WDR70: variants seen among roughly 807,000 people sequenced by gnomAD.
WDR70 encodes the protein WD repeat domain 70, also known as WD repeat-containing protein 70.
Under a neutral mutation model 88.6 loss-of-function variants are expected in WDR70, and 53 were observed. The ratio of observed to expected loss-of-function variants is 0.60; its 90% confidence interval spans 0.48 to 0.75. The LOEUF (loss-of-function observed/expected upper bound fraction) is 0.75, where lower values mean the gene tolerates loss of function less well. Among genes scored for constraint, WDR70 ranks in the 30% least tolerant of loss-of-function variants. WDR70 has a pLI of 0.00. For missense variants in WDR70, 610 were observed against 823.2 expected (o/e 0.74, Z 3.17); for synonymous variants, 280 against 270.0 (o/e 1.04, Z -0.36).
At chr5:37,473,961 T>C (rs1739404517) in intron 7 of WDR70, among the ~76,000 whole-genome samples, 1 of 152,176 alleles carries the variant, frequency 6.6e-6, no homozygotes. Context: ...TGCATTTAAC[T>C]CCATAAATTT....
intron 10 of WDR70, among the ~76,000 whole-genome samples, chr5:37,659,412 A>T (rs1333862786): frequency 2.0e-5 from 3 of 151,174 alleles, no homozygotes; most frequent in Non-Finnish European, 4.4e-5. Flanking sequence ...CTGTTTTTCT[A>T]TTTTTTTTAT....
chr5:37,651,056 G>T (rs1745396394), intron 10 of WDR70, among the ~76,000 whole-genome samples: 1 of 151,206 alleles, frequency 6.6e-6, no homozygotes, highest in Non-Finnish European at 1.5e-5. Flanking sequence ...ATGGTTTGCT[G>T]CACTCATCAA....
chr5:37,528,193 G>A (rs551904943), intron 9 of WDR70, among the ~76,000 whole-genome samples: 87 of 152,136 alleles, frequency 5.7e-4, no homozygotes, highest in South Asian at 4.8e-3. Context: ...TGTTTATTGC[G>A]GCACTATTCA....
intron 8 of WDR70, among the ~76,000 whole-genome samples, chr5:37,515,376 A>G (rs1740855299): frequency 6.6e-6 from 1 of 152,360 alleles, no homozygotes; most frequent in South Asian, 2.1e-4. Context: ...CGAGATGCCT[A>G]TGATATGCAG....
chr5:37,620,032 G>A (rs932286605), intron 10 of WDR70: 2 of 151,248 alleles, frequency 1.3e-5, no homozygotes, highest in Non-Finnish European at 2.9e-5. Flanking sequence ...TTGCACAGGG[G>A]CCATGGTAAT....
chr5:37,621,726 G>A (rs1744510274), intron 10 of WDR70, among the ~76,000 whole-genome samples: 1 of 152,102 alleles, frequency 6.6e-6, no homozygotes, highest in African/African-American at 2.4e-5. Flanking sequence ...AAGCTCTTTA[G>A]TTTAATTTAG....
chr5:37,572,746 A>G (rs759824790), intron 9 of WDR70, among the ~76,000 whole-genome samples: 20 of 152,340 alleles, frequency 1.3e-4, no homozygotes, highest in Non-Finnish European at 2.4e-4. Flanking sequence ...AATCACCATC[A>G]GTTCTCAACA....
intron 7 of WDR70, among the ~76,000 whole-genome samples, chr5:37,468,738 A>T (rs1739236435): frequency 6.6e-6 from 1 of 152,160 alleles, no homozygotes; most frequent in Non-Finnish European, 1.5e-5. Context: ...AGGATTGGAA[A>T]TATTGGAAAA....
chr5:37,413,720 C>A (rs373967990), intron 5 of WDR70, among the ~76,000 whole-genome samples: 2,864 of 106,612 alleles, frequency 0.027, no homozygotes, highest in Middle Eastern at 0.053. Flanking sequence ...GACTCTGTCT[C>A]AAAAAAAAAA....
intron 10 of WDR70, among the ~76,000 whole-genome samples, chr5:37,689,778 A>C (rs1746727420): frequency 6.6e-6 from 1 of 152,260 alleles, no homozygotes; most frequent in South Asian, 2.1e-4. Flanking sequence ...AAAGCTGAAA[A>C]TTCTAAAAAC....
At chr5:37,431,981 A>G in intron 5 of WDR70, among the ~76,000 whole-genome samples, 1 of 152,120 alleles carries the variant, frequency 6.6e-6, no homozygotes, top group East Asian at 1.9e-4. Context: ...GTTGCTTTTC[A>G]CCTCTTGGTT....
chr5:37,485,255 C>G (rs1739823073), intron 8 of WDR70, among the ~76,000 whole-genome samples: 2 of 152,190 alleles, frequency 1.3e-5, no homozygotes, highest in South Asian at 2.1e-4. Flanking sequence ...TACAGTCGAT[C>G]CTCCTTGTTT....
intron 3 of WDR70, among the ~76,000 whole-genome samples, chr5:37,386,835 C>T (rs369732004): frequency 5.9e-5 from 9 of 152,148 alleles, no homozygotes; most frequent in African/African-American, 1.7e-4. Context: ...CGGTGGCTCA[C>T]GCCTGTAATC....
intron 8 of WDR70, among the ~76,000 whole-genome samples, chr5:37,495,944 T>A (rs1368465422): frequency 6.6e-6 from 1 of 152,228 alleles, no homozygotes; most frequent in Non-Finnish European, 1.5e-5. Flanking sequence ...TTTTTCTGTT[T>A]AACCTACTAT....
chr5:37,640,393 T>C (rs975007177), intron 10 of WDR70, among the ~76,000 whole-genome samples: 7 of 152,212 alleles, frequency 4.6e-5, no homozygotes, highest in African/African-American at 9.6e-5. Flanking sequence ...TCTATAGATA[T>C]GTGTTACTCT....
chr5:37,447,566 A>G (rs1447575343), intron 7 of WDR70, among the ~76,000 whole-genome samples: 1 of 152,374 alleles, frequency 6.6e-6, no homozygotes, highest in East Asian at 1.9e-4. Context: ...GACTGGATTA[A>G]GAAAATGTTG....
At chr5:37,547,081 T>A (rs1742022183) in intron 9 of WDR70, among the ~76,000 whole-genome samples, 1 of 152,158 alleles carries the variant, frequency 6.6e-6, no homozygotes, top group South Asian at 2.1e-4. Flanking sequence ...CAAGGTAGCA[T>A]CAAGGACAGC....
At chr5:37,473,679 C>T (rs1739396479) in intron 7 of WDR70, among the ~76,000 whole-genome samples, 1 of 152,136 alleles carries the variant, frequency 6.6e-6, no homozygotes, top group Non-Finnish European at 1.5e-5. Context: ...TATGTTTTAT[C>T]AGATACCTGA....
At position 37,479,764 on chromosome 5, in the gene WDR70, A is replaced by G. The variant is rs1318413966; in HGVS notation, c.687-70A>G. On this transcript the variant is annotated intron_variant, in intron 7 of 17. Coordinates refer to ENST00000265107, the MANE Select transcript of WDR70 (RefSeq NM_018034.4). ...TTGTGTAACATTTTTTTTTCTGGCA[A>G]TACTTAATGTAGTAAAATTATAAAC... 1.0e-5 allele frequency: 15 copies of G among 1,483,864 alleles called. No individual in the cohort carries two copies. In the East Asian group the frequency reaches 1.8e-4, roughly 18 times the overall value. The allele number at this position is 1,483,864 out of a possible 1,614,324, so 91.9% of individuals were successfully genotyped here.
Sources: gnomAD v4.1 joint callset for allele counts (sites outside exome capture counted in the v4.1 genomes callset) on GRCh38, gnomAD v4.1.1 for gene constraint, MANE v1.5 for transcripts, NCBI Gene and HGNC (gene_info 2026-07-23, HGNC 2026-07-21) for gene names.